Variants in CSMD1 observed in about 807,000 individuals in gnomAD.
CSMD1 encodes the protein CUB and sushi domain-containing protein 1.
A neutral mutation model predicts 417.5 loss-of-function variants in CSMD1; 213 were observed. The ratio of observed to expected loss-of-function variants is 0.51; its 90% CI spans 0.46 to 0.57. The LOEUF (loss-of-function observed/expected upper bound fraction) is 0.57. CSMD1 is among the 20% of genes least tolerant of loss of function. The pLI is 0.00. For missense variants in CSMD1, 6,923 were observed against 4,529.7 expected (o/e 1.53, Z -15.17); for synonymous variants, 2,862 against 1,736.8 (o/e 1.65, Z -16.11).
chr8:2,998,509 A>T (rs999646936), intron 53 of CSMD1, among the ~76,000 whole-genome samples: 3 of 152,230 alleles, frequency 2.0e-5, no homozygotes, highest in Admixed American at 6.5e-5. Flanking sequence ...AAAACAAGAG[A>T]TGCTAAAAAT....
At chr8:4,784,945 G>C (rs979461290) in intron 1 of CSMD1, among the ~76,000 whole-genome samples, 4 of 150,656 alleles carry the variant, frequency 2.7e-5, no homozygotes, top group Admixed American at 2.0e-4. Context: ...GACTAAATTA[G>C]GCTCATAAGT....
intron 1 of CSMD1, among the ~76,000 whole-genome samples, chr8:4,947,731 T>C (rs1268398628): frequency 1.3e-5 from 2 of 152,126 alleles, no homozygotes; most frequent in African/African-American, 4.8e-5. Context: ...GTAGCTGAGT[T>C]TGCTTGCTTG....
chr8:4,862,607 G>A (rs148687617), intron 1 of CSMD1, among the ~76,000 whole-genome samples: 1 of 152,094 alleles, frequency 6.6e-6, no homozygotes, highest in East Asian at 1.9e-4. Flanking sequence ...ATAAAAAATT[G>A]GAATACGGTT....
chr8:3,698,357 C>A (rs536404850), intron 7 of CSMD1, among the ~76,000 whole-genome samples: 1 of 152,126 alleles, frequency 6.6e-6, no homozygotes, highest in Admixed American at 6.6e-5. Flanking sequence ...TGCAAAACTC[C>A]ATTATTACAT....
chr8:4,374,551 G>A (rs1242073402), intron 3 of CSMD1, among the ~76,000 whole-genome samples: 2 of 152,098 alleles, frequency 1.3e-5, no homozygotes, highest in South Asian at 2.1e-4. Context: ...TCCCACTCAA[G>A]CGACTCACAC....
rs768890817 is a variant in CSMD1, at chr8:4,521,514, T to G, written c.303-101449A>C. Among the ~76,000 whole-genome samples the G allele has an allele frequency of 2.6e-5, 4 of 152,350 alleles. No homozygotes were observed. In the East Asian group the frequency reaches 7.7e-4, roughly 29 times the overall value. ...AATTCTACTTCGAAGATTTAATGAA[T>G]GAATGTTTCCTTCTTGTCTACTATA... is the stretch of plus-strand genomic sequence containing the variant. On this transcript the variant is annotated intron_variant, in intron 2 of 69. Transcript: ENST00000635120.
At chr8:3,360,491 T>C (rs1031661903) in intron 20 of CSMD1, among the ~76,000 whole-genome samples, 5 of 152,256 alleles carry the variant, frequency 3.3e-5, no homozygotes, top group Admixed American at 1.3e-4. Context: ...TTCCTCCTTC[T>C]TGCTGTTTCC....
intron 1 of CSMD1, among the ~76,000 whole-genome samples, chr8:4,796,768 C>A (rs770896527): frequency 1.3e-5 from 2 of 152,196 alleles, no homozygotes; most frequent in Non-Finnish European, 2.9e-5. Context: ...AATTCAGTCC[C>A]CTTCCCCTTT....
chr8:3,027,381 T>C (rs1810012201), intron 51 of CSMD1, among the ~76,000 whole-genome samples: 1 of 152,120 alleles, frequency 6.6e-6, no homozygotes. Context: ...CCATACAACA[T>C]CCTGTTTTTA....
chr8:3,746,089 A>T (rs959110935), intron 6 of CSMD1, among the ~76,000 whole-genome samples: 1 of 152,194 alleles, frequency 6.6e-6, no homozygotes, highest in Admixed American at 6.5e-5. Flanking sequence ...GCAAATAAAC[A>T]TGAAACATTG....
chr8:3,396,682 ATGATAGAT>A (rs1811720688), intron 16 of CSMD1, among the ~76,000 whole-genome samples: 1 of 152,138 alleles, frequency 6.6e-6, no homozygotes, highest in Admixed American at 6.5e-5. Flanking sequence ...GTTTTCTTAG[ATGATAGAT>A]TGATAGATAG....
intron 5 of CSMD1, among the ~76,000 whole-genome samples, chr8:3,828,987 C>G (rs192717037): frequency 2.0e-5 from 3 of 152,128 alleles, no homozygotes; most frequent in Non-Finnish European, 4.4e-5. Context: ...GGTTTTTACC[C>G]CAGCTGTTTC....
chr8:3,526,113 T>C (rs1038884088), intron 10 of CSMD1, among the ~76,000 whole-genome samples: 3 of 152,268 alleles, frequency 2.0e-5, no homozygotes, highest in East Asian at 1.9e-4. Flanking sequence ...TTAAAAACAG[T>C]CTACATTCTG....
At chr8:4,440,052 G>A (rs976805501) in intron 2 of CSMD1, among the ~76,000 whole-genome samples, 1 of 152,276 alleles carries the variant, frequency 6.6e-6, no homozygotes, top group East Asian at 1.9e-4. Context: ...TAAAATAGCA[G>A]TGATCAACAG....
At chr8:3,363,232 A>AG (rs1809316055) in intron 20 of CSMD1, among the ~76,000 whole-genome samples, 1 of 152,154 alleles carries the variant, frequency 6.6e-6, no homozygotes, top group African/African-American at 2.4e-5. Context: ...CAATTAAAGA[A>AG]TGAGCGTACT....
intron 4 of CSMD1, among the ~76,000 whole-genome samples, chr8:4,004,553 C>G (rs1449977445): frequency 6.6e-6 from 1 of 151,686 alleles, no homozygotes; most frequent in Non-Finnish European, 1.5e-5. Context: ...TTTTTAGCAA[C>G]CTAATTTGGT....
intron 6 of CSMD1, among the ~76,000 whole-genome samples, chr8:3,745,298 T>C (rs1797013141): frequency 6.6e-6 from 1 of 152,166 alleles, no homozygotes; most frequent in South Asian, 2.1e-4. Context: ...GGAAAGAACA[T>C]GATGGTCAGC....
chr8:3,539,470 A>G (rs1192697225), intron 10 of CSMD1, among the ~76,000 whole-genome samples: 2 of 152,214 alleles, frequency 1.3e-5, no homozygotes, highest in Non-Finnish European at 2.9e-5. Flanking sequence ...TCTAATCTGC[A>G]TCTCCAGAGC....
chr8:4,974,867 A>T (rs62489453), intron 1 of CSMD1, among the ~76,000 whole-genome samples: 24,943 of 152,144 alleles, frequency 0.16, 2,348 homozygotes, highest in African/African-American at 0.25. Flanking sequence ...ACTATGTTGC[A>T]ACTGTATCAA....
Sources: gnomAD v4.1 joint callset for allele counts (sites outside exome capture counted in the v4.1 genomes callset) on GRCh38, gnomAD v4.1.1 for gene constraint, MANE v1.5 for transcripts, NCBI Gene and HGNC (gene_info 2026-07-23, HGNC 2026-07-21) for gene names.